Variants in SGCD observed in about 807,000 individuals in gnomAD.
The protein encoded by SGCD is sarcoglycan delta.
Under a neutral mutation model 36.6 loss-of-function variants are expected in SGCD, and 18 were observed. The ratio of observed to expected loss-of-function variants is 0.49; its 90% CI spans 0.34 to 0.73. The LOEUF is 0.73. Among genes scored for constraint, SGCD ranks in the 30% least tolerant of loss-of-function variants. The probability of loss-of-function intolerance (pLI) is 0.01; values close to 1 mark genes in which losing one functional copy is unlikely to be tolerated. For missense variants in SGCD, 387 were observed against 346.7 expected (o/e 1.12, Z -0.92); for synonymous variants, 133 against 130.6 (o/e 1.02, Z -0.12).
intron 1 of SGCD, among the ~76,000 whole-genome samples, chr5:156,013,826 G>A (rs1321801465): frequency 6.6e-6 from 1 of 151,722 alleles, no homozygotes; most frequent in Non-Finnish European, 1.5e-5. Context: ...CAGAATAATA[G>A]TTTTATCATT....
At chr5:155,821,317 T>A in the SGCD span, among the ~76,000 whole-genome samples, 1 of 152,150 alleles carries the variant, frequency 6.6e-6, no homozygotes, top group Non-Finnish European at 1.5e-5. Flanking sequence ...AAGAGTTTTT[T>A]TTTTTCCTTC....
At chr5:156,526,566 A>G (rs1311093353) in intron 4 of SGCD, among the ~76,000 whole-genome samples, 1 of 152,184 alleles carries the variant, frequency 6.6e-6, no homozygotes, top group Admixed American at 6.6e-5. Context: ...CTAAGTCAGA[A>G]GGGTGCATTA....
intron 1 of SGCD, among the ~76,000 whole-genome samples, chr5:156,116,293 G>A (rs1290870511): frequency 2.6e-5 from 4 of 151,886 alleles, no homozygotes; most frequent in Non-Finnish European, 5.9e-5. Context: ...ATCATTTGCA[G>A]TTATTATTCT....
chr5:156,494,390 G>A (rs567627321), intron 3 of SGCD, among the ~76,000 whole-genome samples: 21 of 148,044 alleles, frequency 1.4e-4, no homozygotes, highest in Middle Eastern at 3.5e-3. Flanking sequence ...TGAACTTTTG[G>A]ATTCCAAAAC....
chr5:155,838,630 A>C, the SGCD span, among the ~76,000 whole-genome samples: 184 of 152,310 alleles, frequency 1.2e-3, no homozygotes, highest in African/African-American at 4.3e-3. Flanking sequence ...ATAGTAAAAT[A>C]TAGTTTTCTT....
chr5:155,746,935 T>A, the SGCD span, among the ~76,000 whole-genome samples: 206 of 152,266 alleles, frequency 1.4e-3, 1 homozygote, highest in African/African-American at 4.5e-3. Flanking sequence ...AAGGGTGTTT[T>A]GGGGCATTCT....
At chr5:156,340,550 T>A (rs1251602162) in intron 2 of SGCD, among the ~76,000 whole-genome samples, 2 of 152,234 alleles carry the variant, frequency 1.3e-5, no homozygotes, top group Non-Finnish European at 2.9e-5. Context: ...CAACTTCTTC[T>A]TAGATCTCCA....
At chr5:156,197,471 C>CTTTTTT (rs1365626587) in intron 3 of SGCD, among the ~76,000 whole-genome samples, 1 of 109,112 alleles carries the variant, frequency 9.2e-6, no homozygotes, top group Admixed American at 8.3e-5. Flanking sequence ...GAATAGTTTT[C>CTTTTTT]CTTTTTTTTT....
chr5:155,802,354 T>A, the SGCD span, among the ~76,000 whole-genome samples: 1 of 152,202 alleles, frequency 6.6e-6, no homozygotes, highest in Non-Finnish European at 1.5e-5. Flanking sequence ...TCTTCCTCCA[T>A]AGGCTTATTG....
chr5:156,077,527 C>A (rs1187494833), intron 1 of SGCD, among the ~76,000 whole-genome samples: 1 of 152,126 alleles, frequency 6.6e-6, no homozygotes, highest in Non-Finnish European at 1.5e-5. Context: ...GGAGTGACTT[C>A]TTTGGCCTAG....
At chr5:155,845,870 T>C in the SGCD span, among the ~76,000 whole-genome samples, 1 of 152,352 alleles carries the variant, frequency 6.6e-6, no homozygotes, top group African/African-American at 2.4e-5. Flanking sequence ...ATGCTGTCTC[T>C]CTGGGGCACT....
At chr5:155,875,728 A>G (rs755747868) in intron 1 of SGCD, among the ~76,000 whole-genome samples, 1 of 151,612 alleles carries the variant, frequency 6.6e-6, no homozygotes. Flanking sequence ...AGGCAAAAGC[A>G]TCTGACATTC....
chr5:156,247,705 C>T (rs149467478), intron 3 of SGCD, among the ~76,000 whole-genome samples: 3 of 152,252 alleles, frequency 2.0e-5, no homozygotes, highest in African/African-American at 2.4e-5. Flanking sequence ...AAATACACAA[C>T]GGAGGTTAGT....
chr5:155,896,321 C>T (rs899097866), intron 1 of SGCD, among the ~76,000 whole-genome samples: 5 of 151,966 alleles, frequency 3.3e-5, no homozygotes, highest in Non-Finnish European at 2.9e-5. Flanking sequence ...CCTTTTAAAA[C>T]GTAGGAGGTG....
At chr5:156,734,203 G>T (rs574838912) in intron 7 of SGCD, among the ~76,000 whole-genome samples, 3 of 152,172 alleles carry the variant, frequency 2.0e-5, no homozygotes, top group African/African-American at 7.2e-5. Flanking sequence ...GTTGAATACT[G>T]TCCCCCAATC....
intron 4 of SGCD, among the ~76,000 whole-genome samples, chr5:156,544,183 G>A (rs1758467227): frequency 6.6e-6 from 1 of 152,130 alleles, no homozygotes; most frequent in African/African-American, 2.4e-5. Flanking sequence ...AAAATGAGTT[G>A]CATCATTATT....
At chr5:155,769,202 A>G in the SGCD span, among the ~76,000 whole-genome samples, 1 of 152,122 alleles carries the variant, frequency 6.6e-6, no homozygotes, top group Non-Finnish European at 1.5e-5. Flanking sequence ...TGTGTAAAAA[A>G]ATTTGAGTTA....
At chr5:156,147,560 C>T (rs533464381) in intron 3 of SGCD, among the ~76,000 whole-genome samples, 1 of 152,236 alleles carries the variant, frequency 6.6e-6, no homozygotes, top group South Asian at 2.1e-4. Flanking sequence ...TTTCTGTATG[C>T]AGGGCTTGTA....
chr5:156,587,199 G>A (rs923269871), intron 4 of SGCD, among the ~76,000 whole-genome samples: 30 of 152,118 alleles, frequency 2.0e-4, no homozygotes, highest in African/African-American at 7.2e-4. Context: ...TAGGAGGAAA[G>A]GTGAAAATAA....
Sources: allele counts gnomAD v4.1 joint callset (sites outside exome capture counted in the v4.1 genomes callset), GRCh38; gene constraint gnomAD v4.1.1; transcripts MANE v1.5; gene names NCBI Gene and HGNC (gene_info 2026-07-23, HGNC 2026-07-21).